The following MACROD2 variants were observed in gnomAD, a reference collection of about 807,000 sequenced individuals.
The protein encoded by MACROD2 is ADP-ribose glycohydrolase MACROD2.
A neutral mutation model predicts 70.4 loss-of-function variants in MACROD2; 36 were observed. That is an observed-to-expected ratio of 0.51 (90% CI 0.39 to 0.68). The LOEUF (loss-of-function observed/expected upper bound fraction) is 0.68, where lower values mean the gene tolerates loss of function less well. MACROD2 is among the 30% of genes least tolerant of loss of function. The pLI is 0.00. For synonymous variants in MACROD2, 172 were observed against 178.8 expected, an observed-to-expected ratio of 0.96 and a Z score of 0.30; for missense variants, 496 against 538.4, an observed-to-expected ratio of 0.92 and a Z score of 0.78.
Position 15,933,288 on chromosome 20 carries a change from C to A in MACROD2, c.788C>A (p.Pro263Gln). The A allele has an allele frequency of 6.2e-7, 1 of 1,613,196 alleles. No homozygotes were observed. The highest frequency in any genetic ancestry group is 8.5e-7 in the Non-Finnish European group (1 of 1,179,502). The change falls in exon 11 of 18, where the codon CCA becomes CAA. Residue 263 changes from proline (P) to glutamine (Q), a missense_variant. Coordinates refer to ENST00000684519, the MANE Select transcript of MACROD2 (RefSeq NM_001351661.2). ...EMKEDSDENG[P>Q]EEKQSVEEME... ...GTTTTCTTGAAAGATGAGAACGGTCCAGAGGAGAAGCAAAGTGTGGAAGAA... is the reference window on the plus strand; with the variant it reads ...GTTTTCTTGAAAGATGAGAACGGTCAAGAGGAGAAGCAAAGTGTGGAAGAA...
chr20:15,881,881 C>T (rs2064759751), intron 9 of MACROD2, among the ~76,000 whole-genome samples: 1 of 152,124 alleles, frequency 6.6e-6, no homozygotes, highest in Admixed American at 6.6e-5. Context: ...TCTGCTGTGT[C>T]AAATTTCTTT....
intron 8 of MACROD2, among the ~76,000 whole-genome samples, chr20:15,611,800 A>G (rs2048973750): frequency 6.7e-6 from 1 of 149,942 alleles, no homozygotes; most frequent in South Asian, 2.2e-4. Context: ...AAATCTAGCA[A>G]TTTAAGCCAT....
At position 15,264,482 on chromosome 20, in the gene MACROD2, T is replaced by C. The variant is rs150687612; in HGVS notation, c.540+34421T>C. Among the ~76,000 whole-genome samples, 15 of 152,020 alleles carry C rather than the reference T, an allele frequency of 9.9e-5. No individual in the cohort carries two copies. The East Asian group carries it at 2.9e-3, about 29-fold the overall frequency. ...TACATACACATGAGGTCCCACAGAG[T>C]GTGAGACTCAAAGAAGGGCAAGATG... On this transcript the variant is annotated intron_variant, in intron 6 of 17. Transcript: ENST00000684519.
intron 8 of MACROD2, among the ~76,000 whole-genome samples, chr20:15,536,908 A>C (rs1469676425): frequency 1.3e-5 from 2 of 152,116 alleles, no homozygotes; most frequent in African/African-American, 4.8e-5. Context: ...TCAGCAAAGG[A>C]TGGATAATCT....
Position 14,718,423 on chromosome 20 carries a change from G to A in MACROD2, c.418+33464G>A, listed in dbSNP as rs187960922. ...TGATTCAAACATCAGTTGTGAGGCCGAAAGAGAAGCTAGTCAACAGGTGGG... is the reference window on the plus strand; with the variant it reads ...TGATTCAAACATCAGTTGTGAGGCCAAAAGAGAAGCTAGTCAACAGGTGGG... On this transcript the variant is annotated intron_variant, in intron 5 of 17. Transcript: ENST00000684519. Among the ~76,000 whole-genome samples the A allele has an allele frequency of 1.5e-3, 232 of 151,626 alleles. 3 individuals are homozygous for A. Among genetic ancestry groups the A allele is most frequent in the Middle Eastern group, 0.01 (3 of 290 alleles).
chr20:15,279,974 C>T (rs1280160486), intron 6 of MACROD2, among the ~76,000 whole-genome samples: 2 of 152,142 alleles, frequency 1.3e-5, no homozygotes, highest in Non-Finnish European at 2.9e-5. Context: ...GATGGTGCTG[C>T]ACAGTGCCTA....
chr20:15,640,039 G>T (rs1443375144), intron 8 of MACROD2, among the ~76,000 whole-genome samples: 1 of 149,846 alleles, frequency 6.7e-6, no homozygotes, highest in Non-Finnish European at 1.5e-5. Context: ...GAGAAAAGGG[G>T]TGAGAGAAGA....
At chr20:14,183,921 A>G (rs902952194) in intron 3 of MACROD2, among the ~76,000 whole-genome samples, 1 of 152,128 alleles carries the variant, frequency 6.6e-6, no homozygotes, top group Non-Finnish European at 1.5e-5. Context: ...AGTTCCTTAG[A>G]GATGCTGGAT....
intron 8 of MACROD2, among the ~76,000 whole-genome samples, chr20:15,702,985 C>T (rs1045659601): frequency 1.8e-4 from 27 of 152,128 alleles, no homozygotes; most frequent in Non-Finnish European, 3.7e-4. Flanking sequence ...AATAAAGCCA[C>T]ACACCTGCAA....
intron 17 of MACROD2, among the ~76,000 whole-genome samples, chr20:16,046,207 GTCTTATTCCTGT>G (rs2067378777): frequency 6.6e-6 from 1 of 152,088 alleles, no homozygotes; most frequent in African/African-American, 2.4e-5. Flanking sequence ...AAGAGTACAT[GTCTTATTCCTGT>G]ATGGTCTTGA....
At chr20:14,814,229 A>G (rs2072748072) in intron 5 of MACROD2, among the ~76,000 whole-genome samples, 1 of 152,060 alleles carries the variant, frequency 6.6e-6, no homozygotes, top group Non-Finnish European at 1.5e-5. Flanking sequence ...TCACCGTATA[A>G]TCTGAAGTTT....
intron 3 of MACROD2, among the ~76,000 whole-genome samples, chr20:14,227,314 A>G (rs951685549): frequency 9.2e-5 from 14 of 152,106 alleles, no homozygotes; most frequent in Non-Finnish European, 1.3e-4. Context: ...CCCCTTTCAC[A>G]TGGTGGAAGC....
chr20:15,479,857 C>T (rs1406101611), intron 7 of MACROD2, among the ~76,000 whole-genome samples: 1 of 152,124 alleles, frequency 6.6e-6, no homozygotes, highest in Non-Finnish European at 1.5e-5. Context: ...TTAATTGACA[C>T]CCACCGACTG....
At chr20:15,405,381 T>C (rs2045986661) in intron 6 of MACROD2, among the ~76,000 whole-genome samples, 1 of 152,192 alleles carries the variant, frequency 6.6e-6, no homozygotes, top group African/African-American at 2.4e-5. Context: ...TAAGGTCTTC[T>C]CTTTACCCTC....
At chr20:14,437,343 C>T (rs1350014216) in intron 3 of MACROD2, among the ~76,000 whole-genome samples, 1 of 152,028 alleles carries the variant, frequency 6.6e-6, no homozygotes, top group Non-Finnish European at 1.5e-5. Context: ...ACCTGTAATC[C>T]CAGCACTTTG....
chr20:14,416,965 T>C (rs2083812116), intron 3 of MACROD2, among the ~76,000 whole-genome samples: 1 of 152,302 alleles, frequency 6.6e-6, no homozygotes, highest in South Asian at 2.1e-4. Flanking sequence ...TCAAAAACTT[T>C]TAGCAACCTG....
At chr20:14,289,475 C>T (rs1373446654) in intron 3 of MACROD2, among the ~76,000 whole-genome samples, 1 of 152,190 alleles carries the variant, frequency 6.6e-6, no homozygotes, top group East Asian at 1.9e-4. Context: ...TCCTTTTAGC[C>T]TTACATTGAT....
chr20:15,405,278 G>A (rs2045984642), intron 6 of MACROD2, among the ~76,000 whole-genome samples: 1 of 151,674 alleles, frequency 6.6e-6, no homozygotes, highest in African/African-American at 2.4e-5. Context: ...ACTTTAAAAT[G>A]ATTAATATTA....
Position 14,701,622 on chromosome 20 carries a change from A to AT in MACROD2, c.418+16665dup, listed in dbSNP as rs1406000396. 7.2e-5 allele frequency among the ~76,000 whole-genome samples: 11 copies of AT among 152,306 alleles called. No homozygotes were observed. In the East Asian group the frequency reaches 2.1e-3, roughly 29 times the overall value. ...AATGGAAACTTTGCTGCTGCAATTC[A>AT]TTAGATTTTTACGTTATAAACCAGG... is the stretch of plus-strand genomic sequence containing the variant. On this transcript the variant is annotated intron_variant, in intron 5 of 17. Transcript: ENST00000684519.
Sources: gnomAD v4.1 joint callset for allele counts (sites outside exome capture counted in the v4.1 genomes callset) on GRCh38, gnomAD v4.1.1 for gene constraint, MANE v1.5 for transcripts, NCBI Gene and HGNC (gene_info 2026-07-23, HGNC 2026-07-21) for gene names.